SYN2: variants seen among roughly 807,000 people sequenced by gnomAD.
SYN2 encodes the protein synapsin-2.
SYN2 carries 19 observed loss-of-function variants against 50.9 expected under a neutral mutation model. The observed-to-expected ratio is 0.37, with a 90% CI of 0.26 to 0.55. SYN2 has a LOEUF of 0.55. Ranked by LOEUF, SYN2 falls within the 20% of genes least tolerant of loss-of-function variation. The probability of loss-of-function intolerance (pLI) is 0.81; values close to 1 mark genes in which losing one functional copy is unlikely to be tolerated. For synonymous variants in SYN2, 255 were observed against 224.9 expected, an observed-to-expected ratio of 1.13 and a Z score of -1.20; for missense variants, 587 against 576.4, an observed-to-expected ratio of 1.02 and a Z score of -0.19.
At chr3:12,115,810 A>G (rs1004172853) in intron 1 of SYN2, among the ~76,000 whole-genome samples, 2 of 152,200 alleles carry the variant, frequency 1.3e-5, no homozygotes, top group African/African-American at 4.8e-5. Context: ...TGTAGCATAT[A>G]GTAGGCATTC....
At chr3:12,144,779 G>A (rs1274773990) in intron 3 of SYN2, among the ~76,000 whole-genome samples, 3 of 152,168 alleles carry the variant, frequency 2.0e-5, no homozygotes, top group African/African-American at 7.2e-5. Context: ...CCAGCACTTT[G>A]GGAGGCCAAG....
At chr3:12,189,020 T>G (rs946879546) in intron 12 of SYN2, among the ~76,000 whole-genome samples, 2 of 152,150 alleles carry the variant, frequency 1.3e-5, no homozygotes, top group Non-Finnish European at 2.9e-5. Flanking sequence ...GAGGCCAGCG[T>G]GTTGGGTCTC....
chr3:12,004,752 G>C lies in SYN2; in HGVS notation c.201G>C (p.Ala67=). ...GPERRPPPAS[A]PAPQPAPTPS... The stretch of plus-strand genomic sequence containing the variant: ...AGCGGAGGCCGCCGCCCGCCTCGGC[G>C]CCCGCGCCGCAGCCCGCGCCGACGC... Residue 67 remains alanine (A), a synonymous_variant, in exon 1 of 13, where the codon GCG becomes GCC. Transcript: ENST00000621198. 1 of 244,684 alleles carries C rather than the reference G, an allele frequency of 4.1e-6. No homozygotes were observed. The highest frequency in any genetic ancestry group is 6.6e-6 in the Non-Finnish European group (1 of 151,482). 15.2% of individuals were successfully genotyped at this position (244,684 alleles called of 1,614,324 possible).
rs764158028 is a variant in SYN2, at chr3:12,168,498, T to G, written c.1158+20T>G. On this transcript the variant is annotated intron_variant, in intron 9 of 12. Coordinates refer to ENST00000621198, the MANE Select transcript of SYN2 (RefSeq NM_133625.6). ...TTTGAGGTAAGTCTGGACCAAGCAG[T>G]AAGAGGTAACTCCTAAGGCTTAAGA... 35 of 1,602,674 alleles carry G rather than the reference T, an allele frequency of 2.2e-5. No individual in the cohort carries two copies. The highest frequency in any genetic ancestry group is 2.9e-5 in the Non-Finnish European group (34 of 1,170,948).
intron 1 of SYN2, among the ~76,000 whole-genome samples, chr3:12,050,957 G>A (rs1227820551): frequency 1.3e-5 from 2 of 149,354 alleles, no homozygotes; most frequent in African/African-American, 4.9e-5. Context: ...GGATGGTCTC[G>A]ATCTCCTGAC....
chr3:12,033,403 A>G (rs1694423884), intron 1 of SYN2, among the ~76,000 whole-genome samples: 1 of 152,116 alleles, frequency 6.6e-6, no homozygotes, highest in African/African-American at 2.4e-5. Flanking sequence ...TTACTTTGGG[A>G]ATGAAACAGA....
At chr3:12,138,092 TTTGC>T (rs1334000426) in intron 1 of SYN2, among the ~76,000 whole-genome samples, 1 of 152,192 alleles carries the variant, frequency 6.6e-6, no homozygotes, top group Non-Finnish European at 1.5e-5. Flanking sequence ...ACTTCTATCA[TTTGC>T]TAGCAAGTTA....
chr3:12,159,770 T>C (rs1438020148), intron 5 of SYN2, among the ~76,000 whole-genome samples: 2 of 151,860 alleles, frequency 1.3e-5, no homozygotes, highest in Non-Finnish European at 2.9e-5. Flanking sequence ...AGGCTGGGCG[T>C]GGTGGCTCAC....
intron 1 of SYN2, among the ~76,000 whole-genome samples, chr3:12,065,710 G>A (rs1374044474): frequency 6.6e-6 from 1 of 152,112 alleles, no homozygotes; most frequent in African/African-American, 2.4e-5. Flanking sequence ...GAGGTGGGAA[G>A]GAGGGTGGGG....
At chr3:12,014,624 G>A (rs1693981102) in intron 1 of SYN2, among the ~76,000 whole-genome samples, 1 of 152,124 alleles carries the variant, frequency 6.6e-6, no homozygotes, top group African/African-American at 2.4e-5. Flanking sequence ...GGCTCTCAAG[G>A]AACCATTTTT....
chr3:12,049,210 G>T (rs1300782733), intron 1 of SYN2, among the ~76,000 whole-genome samples: 1 of 152,080 alleles, frequency 6.6e-6, no homozygotes, highest in Non-Finnish European at 1.5e-5. Context: ...AAGAGCAGCT[G>T]AGAGGAGTTG....
chr3:12,062,420 A>T (rs1487282289), intron 1 of SYN2, among the ~76,000 whole-genome samples: 2 of 151,980 alleles, frequency 1.3e-5, no homozygotes, highest in Non-Finnish European at 1.5e-5. Context: ...ACACAGGAGG[A>T]ACTCTAGGTG....
Position 12,072,930 on chromosome 3 carries a change from A to G in SYN2, c.378-67721A>G, listed in dbSNP as rs556384614. Among the ~76,000 whole-genome samples the G allele has an allele frequency of 2.1e-3, 317 of 152,294 alleles. 1 individual carries two copies. Among genetic ancestry groups the G allele is most frequent in the African/African-American group, 6.5e-3 (270 of 41,580 alleles). On this transcript the variant is annotated intron_variant, in intron 1 of 12. Coordinates refer to ENST00000621198, the MANE Select transcript of SYN2 (RefSeq NM_133625.6). ...GTTTAAAGACAGAGCACTAAAGGCTAGTTGAAAGCTCTGTGCGTTTAAGTA... is the reference window on the plus strand; with the variant it reads ...GTTTAAAGACAGAGCACTAAAGGCTGGTTGAAAGCTCTGTGCGTTTAAGTA...
At chr3:12,158,759 C>T (rs1161845882) in intron 5 of SYN2, 2 of 1,607,240 alleles carry the variant, frequency 1.2e-6, no homozygotes, top group East Asian at 2.2e-5. Context: ...CTGCATGCCT[C>T]ACCCAGCCCC....
At chr3:12,093,938 C>G (rs1178391611) in intron 1 of SYN2, among the ~76,000 whole-genome samples, 1 of 150,108 alleles carries the variant, frequency 6.7e-6, no homozygotes, top group Non-Finnish European at 1.5e-5. Context: ...TTCACTGCAA[C>G]CTGTGCCTCT....
chr3:12,070,290 T>G, intron 1 of SYN2: 3 of 490,980 alleles, frequency 6.1e-6, no homozygotes, highest in South Asian at 4.9e-5. Flanking sequence ...CTGGATTTGC[T>G]GGGGACGACG....
At chr3:12,149,473 G>GACAGCAGGGT (rs1697227592) in intron 4 of SYN2, among the ~76,000 whole-genome samples, 2 of 152,240 alleles carry the variant, frequency 1.3e-5, no homozygotes, top group South Asian at 4.1e-4. Flanking sequence ...AGTCGGTGAG[G>GACAGCAGGGT]ACAGCAGGGT....
intron 12 of SYN2, among the ~76,000 whole-genome samples, chr3:12,189,709 A>G (rs1698410795): frequency 6.6e-6 from 1 of 152,206 alleles, no homozygotes; most frequent in Non-Finnish European, 1.5e-5. Context: ...AGGCTGAGGC[A>G]GTAGAATCGC....
Position 12,078,184 on chromosome 3 carries a change from G to A in SYN2, c.378-62467G>A, listed in dbSNP as rs191870559. Among the ~76,000 whole-genome samples the A allele has an allele frequency of 1.5e-4, 22 of 150,212 alleles. No homozygotes were observed. The East Asian group carries it at 4.3e-3, about 30-fold the overall frequency. ...GGGGTTGTTATTTTCTTGTAAATTT[G>A]TTTAAACTCTTTGTAGATTCTGGAT... On this transcript the variant is annotated intron_variant, in intron 1 of 12. Transcript: ENST00000621198.
Sources: allele counts gnomAD v4.1 joint callset (sites outside exome capture counted in the v4.1 genomes callset), GRCh38; gene constraint gnomAD v4.1.1; transcripts MANE v1.5; gene names NCBI Gene and HGNC (gene_info 2026-07-23, HGNC 2026-07-21).